Variants in COL28A1 observed in about 807,000 individuals in gnomAD.
COL28A1 encodes collagen type XXVIII alpha 1 chain.
COL28A1 carries 161 observed loss-of-function variants against 150.2 expected under a neutral mutation model. The observed-to-expected ratio is 1.07, with a 90% CI of 0.94 to 1.22. The LOEUF is 1.22. Ranked by LOEUF, COL28A1 falls within the 50% of genes most tolerant of loss-of-function variation. The pLI, the probability that COL28A1 is intolerant of heterozygous loss-of-function variation, is 0.00. For synonymous variants in COL28A1, 552 were observed against 469.7 expected, an observed-to-expected ratio of 1.18 and a Z score of -2.26; for missense variants, 1,617 against 1,388.3, an observed-to-expected ratio of 1.16 and a Z score of -2.62.
intron 9 of COL28A1, among the ~76,000 whole-genome samples, chr7:7,509,962 C>A (rs1781033713): frequency 6.6e-6 from 1 of 152,240 alleles, no homozygotes; most frequent in Non-Finnish European, 1.5e-5. Context: ...ACTTTAAAAG[C>A]ATTCAGAAAG....
intron 11 of COL28A1, among the ~76,000 whole-genome samples, chr7:7,494,405 G>T (rs914106081): frequency 6.6e-6 from 1 of 152,080 alleles, no homozygotes; most frequent in Middle Eastern, 3.2e-3. Flanking sequence ...GAATCATTTG[G>T]TCTTGTAGAA....
At chr7:7,427,117 A>G (rs1480609700) in intron 25 of COL28A1, among the ~76,000 whole-genome samples, 1 of 152,230 alleles carries the variant, frequency 6.6e-6, no homozygotes, top group African/African-American at 2.4e-5. Flanking sequence ...GCAAGGAGAG[A>G]TGAAAGCAAT....
At chr7:7,473,273 T>C (rs76561575) in intron 15 of COL28A1, among the ~76,000 whole-genome samples, 2 of 151,800 alleles carry the variant, frequency 1.3e-5, no homozygotes, top group Admixed American at 6.6e-5. Context: ...TGGGAGAAAA[T>C]CTTCACAATC....
At position 7,374,024 on chromosome 7, in the gene COL28A1, T is replaced by TAAAAAAAA. The variant is rs1188442971; in HGVS notation, c.2360-486_2360-479dup. On this transcript the variant is annotated intron_variant, in intron 31 of 34. Coordinates refer to ENST00000399429, the MANE Select transcript of COL28A1 (RefSeq NM_001037763.3). Reference sequence around the variant, plus strand: ...CCTTCTGGTTTCTATACTTGACTCTTAAAAAAAAAAAAAAATATATATATA... The same window carrying TAAAAAAAA: ...CCTTCTGGTTTCTATACTTGACTCTTAAAAAAAAAAAAAAAAAAAAAAATATATATATA... Among the ~76,000 whole-genome samples, 109 of 116,304 alleles carry TAAAAAAAA rather than the reference T, an allele frequency of 9.4e-4. 1 individual carries two copies. The highest frequency in any genetic ancestry group is 4.6e-3 in the African/African-American group (106 of 23,198). 76.3% of individuals were successfully genotyped at this position (116,304 alleles called of 152,430 possible). A position where few individuals can be genotyped will look rare whatever the true frequency, so the allele number is the denominator to read the frequency against.
rs1383320717 is a variant in COL28A1, at chr7:7,470,663, T to C, written c.1302+3938A>G. Among the ~76,000 whole-genome samples the C allele has an allele frequency of 1.1e-4, 7 of 64,210 alleles. No individual in the cohort carries two copies. The East Asian group carries it at 3.1e-3, about 29-fold the overall frequency. 42.1% of individuals were successfully genotyped at this position (64,210 alleles called of 152,430 possible). A position where few individuals can be genotyped will look rare whatever the true frequency, so the allele number is the denominator to read the frequency against. On this transcript the variant is annotated intron_variant, in intron 15 of 34. Transcript: ENST00000399429. ...GCTGCTATAAAGACACATGCACACG[T>C]ATGTTTATTGCGGCACTATTCACAA...
In COL28A1 at chr7:7,444,401, G is replaced by C. The variant is rs772191448; in HGVS notation, c.1581+17C>G. The stretch of plus-strand genomic sequence containing the variant: ...TCAACAGTTCCTACTCCAGTAATAC[G>C]AAAAACTTGGTGTTACCTTCTTCCC... On this transcript the variant is annotated intron_variant, in intron 19 of 34. Coordinates refer to ENST00000399429, the MANE Select transcript of COL28A1 (RefSeq NM_001037763.3). The C allele has an allele frequency of 1.2e-6, 2 of 1,613,320 alleles. No individual in the cohort carries two copies. Among genetic ancestry groups the C allele is most frequent in the Middle Eastern group, 1.7e-4 (1 of 6,060 alleles).
intron 23 of COL28A1, among the ~76,000 whole-genome samples, chr7:7,434,885 A>C (rs1441083787): frequency 1.3e-5 from 2 of 152,208 alleles, no homozygotes. Context: ...TAGGGTAAAA[A>C]TGGAAACCTA....
chr7:7,473,464 T>C (rs968121812), intron 15 of COL28A1, among the ~76,000 whole-genome samples: 5 of 152,042 alleles, frequency 3.3e-5, no homozygotes, highest in African/African-American at 1.2e-4. Flanking sequence ...ATCAGAGAAA[T>C]GCAAATCAAA....
intron 9 of COL28A1, among the ~76,000 whole-genome samples, chr7:7,508,101 G>A (rs946877104): frequency 2.0e-5 from 3 of 151,978 alleles, no homozygotes; most frequent in South Asian, 2.1e-4. Context: ...GCGTGGTGGC[G>A]GGCACCTGTA....
intron 5 of COL28A1, 33 bp from the exon 6 acceptor site, chr7:7,520,148 T>A (rs1781639392): frequency 5.2e-6 from 5 of 954,510 alleles, no homozygotes. Flanking sequence ...TTATTTTAAG[T>A]AGGAATTCTA....
intron 27 of COL28A1, among the ~76,000 whole-genome samples, chr7:7,415,706 G>A (rs1195743409): frequency 1.3e-5 from 2 of 152,020 alleles, no homozygotes; most frequent in African/African-American, 2.4e-5. Flanking sequence ...GCTAATTTTT[G>A]TATTTTTAGT....
intron 27 of COL28A1, among the ~76,000 whole-genome samples, chr7:7,412,997 A>G (rs1783871516): frequency 6.6e-6 from 1 of 152,028 alleles, no homozygotes; most frequent in Non-Finnish European, 1.5e-5. Context: ...TACACCACAG[A>G]GGTCAGAATA....
chr7:7,487,672 T>C (rs1386394262), intron 13 of COL28A1, among the ~76,000 whole-genome samples: 2 of 152,218 alleles, frequency 1.3e-5, no homozygotes, highest in Non-Finnish European at 2.9e-5. Flanking sequence ...TTTAATTTTA[T>C]AGAAGTTAAA....
chr7:7,412,174 G>A (rs564343273), intron 27 of COL28A1, among the ~76,000 whole-genome samples: 45 of 152,026 alleles, frequency 3.0e-4, no homozygotes, highest in Non-Finnish European at 5.9e-4. Context: ...GTCAAGTCCT[G>A]GCCACGAGTT....
chr7:7,354,418 T>C (rs557431618), downstream of COL28A1, among the ~76,000 whole-genome samples: 29 of 152,294 alleles, frequency 1.9e-4, no homozygotes, highest in African/African-American at 5.8e-4. Flanking sequence ...TATCAAAGTA[T>C]AGTGAAATTA....
At chr7:7,442,830 T>G (rs1263676675) in intron 20 of COL28A1, among the ~76,000 whole-genome samples, 2 of 151,208 alleles carry the variant, frequency 1.3e-5, no homozygotes, top group African/African-American at 4.9e-5. Context: ...AGGTCAGGAG[T>G]TCCAGACCAG....
chr7:7,443,991 T>G (rs960577993), intron 19 of COL28A1, among the ~76,000 whole-genome samples: 1 of 150,734 alleles, frequency 6.6e-6, no homozygotes, highest in Non-Finnish European at 1.5e-5. Context: ...CTGCTGTTTT[T>G]TTTTTTTTTT....
chr7:7,414,660 T>C (rs1250806684), intron 27 of COL28A1, among the ~76,000 whole-genome samples: 3 of 152,156 alleles, frequency 2.0e-5, no homozygotes, highest in African/African-American at 4.8e-5. Flanking sequence ...ATCAAGAGAA[T>C]AGGAAGGGGC....
At chr7:7,524,662 C>T (rs1781924144) in intron 3 of COL28A1, among the ~76,000 whole-genome samples, 4 of 152,112 alleles carry the variant, frequency 2.6e-5, no homozygotes, top group Admixed American at 2.6e-4. Flanking sequence ...TGCACATATA[C>T]ATGCATCTAT....
Sources: gnomAD v4.1 joint callset for allele counts (sites outside exome capture counted in the v4.1 genomes callset) on GRCh38, gnomAD v4.1.1 for gene constraint, MANE v1.5 for transcripts, NCBI Gene and HGNC (gene_info 2026-07-23, HGNC 2026-07-21) for gene names.